Variants in PCDHA3 observed in about 807,000 individuals in gnomAD.
The protein encoded by PCDHA3 is protocadherin alpha-3.
PCDHA3 carries 41 observed loss-of-function variants against 62.2 expected under a neutral mutation model. The observed-to-expected ratio is 0.66, with a 90% confidence interval of 0.51 to 0.86. The LOEUF (loss-of-function observed/expected upper bound fraction) is 0.86, where lower values mean the gene tolerates loss of function less well. PCDHA3 is among the 40% of genes least tolerant of loss of function. The probability of loss-of-function intolerance (pLI) is 0.00; values close to 1 mark genes in which losing one functional copy is unlikely to be tolerated. For synonymous variants in PCDHA3, 640 were observed against 555.4 expected (o/e 1.15, Z -2.14); for missense variants, 1,304 against 1,241.2 (o/e 1.05, Z -0.76).
chr5:140,812,316 T>C (rs1271799931), intron 1 of PCDHA3: 7 of 152,138 alleles, frequency 4.6e-5, no homozygotes, highest in African/African-American at 1.7e-4. Context: ...AAAAGCCTCT[T>C]ATAATTGTGG....
intron 1 of PCDHA3, chr5:140,836,475 G>A: frequency 6.2e-7 from 1 of 1,613,846 alleles, no homozygotes; most frequent in Non-Finnish European, 8.5e-7. Context: ...GGATGTCAAC[G>A]TGTACCTGAT....
chr5:140,909,171 T>C (rs2074353484), intron 1 of PCDHA3, among the ~76,000 whole-genome samples: 1 of 152,208 alleles, frequency 6.6e-6, no homozygotes, highest in Non-Finnish European at 1.5e-5. Flanking sequence ...ATCAATCAAG[T>C]TCTCTCCAAA....
At chr5:140,947,234 AAAAAT>A (rs1164220377) in intron 1 of PCDHA3, among the ~76,000 whole-genome samples, 3 of 151,602 alleles carry the variant, frequency 2.0e-5, no homozygotes, top group Non-Finnish European at 3.0e-5. Flanking sequence ...GACAGGAAAA[AAAAAT>A]AAGATAATCC....
At chr5:140,805,363 C>G (rs1763551929) in intron 1 of PCDHA3, 1 of 1,169,738 alleles carries the variant, frequency 8.5e-7, no homozygotes, top group African/African-American at 1.6e-5. Context: ...TAGTTTGGGT[C>G]CCCACATAGT....
chr5:140,875,329 T>C, intron 1 of PCDHA3: 1 of 1,437,476 alleles, frequency 7.0e-7, no homozygotes, highest in Non-Finnish European at 9.1e-7. Flanking sequence ...ATTCACGGAA[T>C]AGGATCGACT....
At chr5:140,993,817 T>C (rs1467199618) in intron 3 of PCDHA3, among the ~76,000 whole-genome samples, 2 of 152,240 alleles carry the variant, frequency 1.3e-5, no homozygotes, top group Non-Finnish European at 2.9e-5. Context: ...CTAGGAGCAA[T>C]AGGCTATACC....
chr5:140,802,467 G>T lies in PCDHA3; in HGVS notation c.1270G>T (p.Val424Leu). Residue 424 changes from valine to leucine, a missense_variant, in exon 1 of 4, where the codon GTG (valine) becomes TTG (leucine). Transcript: ENST00000522353. Reference sequence around the variant, plus strand: ...CGAGAGCGTGTCGGCCTATGAGCTGGTGGTGACTGCTCGGGACGGGGGCTC... The same window carrying T: ...CGAGAGCGTGTCGGCCTATGAGCTGTTGGTGACTGCTCGGGACGGGGGCTC... The part of the protein sequence containing the change: ...DRESVSAYEL[V>L]VTARDGGSPS... 1 of 1,614,224 alleles carries T rather than the reference G, an allele frequency of 6.2e-7. No individual in the cohort carries two copies. The highest frequency in any genetic ancestry group is 8.5e-7 in the Non-Finnish European group (1 of 1,180,036).
intron 1 of PCDHA3, among the ~76,000 whole-genome samples, chr5:140,943,257 CA>C (rs1238620023): frequency 1.6e-3 from 121 of 77,534 alleles, no homozygotes; most frequent in Middle Eastern, 7.2e-3. Flanking sequence ...GACTCTGTCT[CA>C]AAAAAAAAAA....
chr5:140,920,039 G>A (rs185914290), intron 1 of PCDHA3, among the ~76,000 whole-genome samples: 1 of 152,280 alleles, frequency 6.6e-6, no homozygotes, highest in Non-Finnish European at 1.5e-5. Flanking sequence ...TTGGAGTGAT[G>A]TCAACAGCCA....
At chr5:140,915,710 C>T (rs2077269471) in intron 1 of PCDHA3, among the ~76,000 whole-genome samples, 1 of 151,918 alleles carries the variant, frequency 6.6e-6, no homozygotes, top group South Asian at 2.1e-4. Flanking sequence ...ACTCCTGTGG[C>T]CCCCACTTTG....
At position 141,011,529 on chromosome 5, in the gene PCDHA3, G is replaced by A. The variant is rs2098420955; in HGVS notation, c.*1592G>A. On this transcript the variant is annotated 3_prime_UTR_variant, in exon 4 of 4. Coordinates refer to ENST00000522353, the MANE Select transcript of PCDHA3 (RefSeq NM_018906.3). ...GTGGAGTAGTGTTTTTTTAACCATT[G>A]TTAATCAGCTTTTGTGTATGAAAGA... 1.3e-5 allele frequency: 2 copies of A among 153,538 alleles called. No homozygotes were observed. The highest frequency in any genetic ancestry group is 3.9e-4 in the East Asian group (2 of 5,188). The allele number at this position is 153,538 out of a possible 1,614,324, so 9.5% of individuals were successfully genotyped here.
chr5:140,822,883 C>G, intron 1 of PCDHA3: 4 of 1,614,246 alleles, frequency 2.5e-6, no homozygotes, highest in Non-Finnish European at 3.4e-6. Context: ...GGTCATTGCT[C>G]TGATCAGCGT....
intron 1 of PCDHA3, chr5:140,828,626 G>A (rs2150157577): frequency 1.2e-6 from 2 of 1,614,092 alleles, no homozygotes; most frequent in Admixed American, 3.3e-5. Context: ...CGAATACTTC[G>A]GGCTAGATGT....
intron 1 of PCDHA3, chr5:140,856,456 A>T: frequency 6.3e-7 from 1 of 1,598,478 alleles, no homozygotes; most frequent in Non-Finnish European, 8.6e-7. Flanking sequence ...CCGTAACAGA[A>T]CAAAAGCTCT....
At chr5:140,836,560 C>G (rs782229036) in intron 1 of PCDHA3, 1 of 1,613,738 alleles carries the variant, frequency 6.2e-7, no homozygotes, top group Non-Finnish European at 8.5e-7. Flanking sequence ...TGCTCAGCGC[C>G]GTCCTCTGAG....
intron 1 of PCDHA3, among the ~76,000 whole-genome samples, chr5:140,971,436 C>G (rs2153789972): frequency 6.6e-6 from 1 of 152,278 alleles, no homozygotes; most frequent in Non-Finnish European, 1.5e-5. Flanking sequence ...ACCCCAAGAT[C>G]TACAGCTCCA....
At position 140,884,782 on chromosome 5, in the gene PCDHA3, A is replaced by T. The variant is rs2060354278; in HGVS notation, c.2394+81191A>T. ...TCTTTACTTTAATTTTAATTTTGCTAGTTGTTATCGAATTTAACAACTCTG... is the reference window on the plus strand; with the variant it reads ...TCTTTACTTTAATTTTAATTTTGCTTGTTGTTATCGAATTTAACAACTCTG... On this transcript the variant is annotated intron_variant, in intron 1 of 3. Coordinates refer to ENST00000522353, the MANE Select transcript of PCDHA3 (RefSeq NM_018906.3). 8 of 1,395,472 alleles carry T rather than the reference A, an allele frequency of 5.7e-6. 1 individual carries two copies. The highest frequency in any genetic ancestry group is 3.3e-5 in the South Asian group (2 of 60,762). 86.4% of individuals were successfully genotyped at this position (1,395,472 alleles called of 1,614,324 possible). A position where few individuals can be genotyped will look rare whatever the true frequency, so the allele number is the denominator to read the frequency against.
In PCDHA3 at chr5:140,835,249, T is replaced by TA. The variant is rs2150232715; in HGVS notation, c.2394+31662dup. ...TTCTCCAGTGATGTTTCTCCAGATA[T>TA]AAAATCCAAGTTCCACATGGACCCC... On this transcript the variant is annotated intron_variant, in intron 1 of 3. Transcript: ENST00000522353. 20 of 1,605,414 alleles carry TA rather than the reference T, an allele frequency of 1.2e-5. No homozygotes were observed. The South Asian group carries it at 1.7e-4, about 13-fold the overall frequency.
intron 1 of PCDHA3, chr5:140,884,171 C>A: frequency 6.2e-7 from 1 of 1,613,414 alleles, no homozygotes; most frequent in Non-Finnish European, 8.5e-7. Flanking sequence ...CAGCACGACG[C>A]GCCCTCTGGA....
Sources: gnomAD v4.1 joint callset for allele counts (sites outside exome capture counted in the v4.1 genomes callset) on GRCh38, gnomAD v4.1.1 for gene constraint, MANE v1.5 for transcripts, NCBI Gene and HGNC (gene_info 2026-07-23, HGNC 2026-07-21) for gene names.